Variants in EFHD1 observed in about 807,000 individuals in gnomAD.
EFHD1 encodes EF-hand domain family member D1.
Under a neutral mutation model 17.2 loss-of-function variants are expected in EFHD1, and 10 were observed. The ratio of observed to expected loss-of-function variants is 0.58; its 90% confidence interval spans 0.36 to 0.99. The LOEUF (loss-of-function observed/expected upper bound fraction) is 0.99, where lower values mean the gene tolerates loss of function less well. EFHD1 is among the 50% of genes least tolerant of loss of function. The probability of loss-of-function intolerance (pLI) is 0.01; values close to 1 mark genes in which losing one functional copy is unlikely to be tolerated. For missense variants in EFHD1, 310 were observed against 327.5 expected (o/e 0.95, Z 0.41); for synonymous variants, 153 against 142.0 (o/e 1.08, Z -0.55).
At chr2:232,660,855 G>A (rs1263750756) in intron 1 of EFHD1, among the ~76,000 whole-genome samples, 2 of 152,072 alleles carry the variant, frequency 1.3e-5, no homozygotes, top group African/African-American at 4.8e-5. Flanking sequence ...GCACACACTT[G>A]TAATCCCAGC....
chr2:232,654,228 G>GA (rs779732733), intron 1 of EFHD1, among the ~76,000 whole-genome samples: 5 of 142,928 alleles, frequency 3.5e-5, no homozygotes, highest in Non-Finnish European at 3.2e-5. Flanking sequence ...AAAAAGAAAA[G>GA]AAAGAAGTTG....
intron 1 of EFHD1, among the ~76,000 whole-genome samples, chr2:232,607,156 C>G (rs1057032911): frequency 6.6e-6 from 1 of 151,956 alleles, no homozygotes; most frequent in Admixed American, 6.6e-5. Context: ...CACGTCTGGC[C>G]CATTTTATTT....
chr2:232,631,691 T>TAAAAAAAAAAA (rs34689384), upstream of EFHD1, among the ~76,000 whole-genome samples: 2 of 115,786 alleles, frequency 1.7e-5, no homozygotes, highest in African/African-American at 3.6e-5. Context: ...ATAAGAACAT[T>TAAAAAAAAAAA]AAAAAAAAAA....
chr2:232,639,929 G>A (rs1210729694), intron 1 of EFHD1, among the ~76,000 whole-genome samples: 2 of 152,006 alleles, frequency 1.3e-5, no homozygotes, highest in Admixed American at 1.3e-4. Context: ...GCCACTTTTC[G>A]GGTGAGGCTG....
intron 1 of EFHD1, among the ~76,000 whole-genome samples, chr2:232,617,415 T>C (rs10203216): frequency 0.67 from 101,226 of 151,316 alleles, 34,326 homozygotes; most frequent in East Asian, 0.84. Flanking sequence ...TTTGGGAGGC[T>C]GAGGCAGGTG....
chr2:232,618,964 T>G (rs1361658987), intron 1 of EFHD1, among the ~76,000 whole-genome samples: 1 of 151,718 alleles, frequency 6.6e-6, no homozygotes, highest in Non-Finnish European at 1.5e-5. Context: ...ACCAACATGG[T>G]GAAACACCAT....
At chr2:232,634,563 C>T (rs1694279437) in intron 1 of EFHD1, among the ~76,000 whole-genome samples, 1 of 152,150 alleles carries the variant, frequency 6.6e-6, no homozygotes, top group African/African-American at 2.4e-5. Context: ...GCCCGGGAGC[C>T]TCCTGGGGGC....
At chr2:232,661,725 A>G (rs1349413676) in intron 1 of EFHD1, 1 of 143,670 alleles carries the variant, frequency 7.0e-6, no homozygotes, top group Non-Finnish European at 1.6e-5. Flanking sequence ...ATGCCCAGCT[A>G]ATTTTTGTAT....
chr2:232,617,517 G>T (rs1328005804), intron 1 of EFHD1, among the ~76,000 whole-genome samples: 1 of 151,794 alleles, frequency 6.6e-6, no homozygotes, highest in Admixed American at 6.6e-5. Flanking sequence ...AGCCAGGCGT[G>T]GTGGTGGGCG....
intron 1 of EFHD1, among the ~76,000 whole-genome samples, chr2:232,643,830 G>A (rs1010803903): frequency 3.9e-5 from 6 of 152,116 alleles, no homozygotes; most frequent in South Asian, 2.1e-4. Flanking sequence ...ATTATAGGGC[G>A]TGCTACCACG....
intron 3 of EFHD1, among the ~76,000 whole-genome samples, chr2:232,674,723 T>A (rs1695139436): frequency 6.6e-6 from 1 of 152,130 alleles, no homozygotes; most frequent in African/African-American, 2.4e-5. Context: ...GAGGGCATCG[T>A]CACTGGATTT....
intron 1 of EFHD1, among the ~76,000 whole-genome samples, chr2:232,635,161 C>A (rs911608132): frequency 1.3e-5 from 2 of 152,196 alleles, no homozygotes; most frequent in Non-Finnish European, 2.9e-5. Flanking sequence ...CAGGAAGGCC[C>A]AGTGCGCTAA....
chr2:232,616,403 G>A (rs1230633714), intron 1 of EFHD1, among the ~76,000 whole-genome samples: 2 of 152,012 alleles, frequency 1.3e-5, no homozygotes, highest in Non-Finnish European at 1.5e-5. Flanking sequence ...GGTTCAAGCA[G>A]TTCTCCTGTC....
intron 1 of EFHD1, among the ~76,000 whole-genome samples, chr2:232,608,589 A>G (rs974379764): frequency 6.6e-6 from 1 of 152,150 alleles, no homozygotes; most frequent in Non-Finnish European, 1.5e-5. Context: ...TGTACTTGGG[A>G]AAAAGAGAAG....
chr2:232,632,105 CAG>C (rs1694213438), upstream of EFHD1, among the ~76,000 whole-genome samples: 1 of 151,930 alleles, frequency 6.6e-6, no homozygotes, highest in Non-Finnish European at 1.5e-5. Flanking sequence ...GTGGTCAAAA[CAG>C]ATGTGACAAC....
intron 1 of EFHD1, among the ~76,000 whole-genome samples, chr2:232,642,537 C>T (rs1195083303): frequency 6.6e-6 from 1 of 152,088 alleles, no homozygotes; most frequent in Non-Finnish European, 1.5e-5. Flanking sequence ...GGAGACCTTG[C>T]TTTTCAAGGG....
chr2:232,641,338 C>T (rs554242778), intron 1 of EFHD1, among the ~76,000 whole-genome samples: 94 of 152,108 alleles, frequency 6.2e-4, no homozygotes, highest in Non-Finnish European at 1.1e-3. Context: ...TGGCCACAAT[C>T]GGAGTTACTG....
intron 2 of EFHD1, among the ~76,000 whole-genome samples, chr2:232,669,801 A>G (rs1695036692): frequency 6.6e-6 from 1 of 151,996 alleles, no homozygotes; most frequent in Non-Finnish European, 1.5e-5. Flanking sequence ...GGGTTTCACC[A>G]TGTTGGTCAG....
chr2:232,667,835 G>C (rs753448746), intron 2 of EFHD1, among the ~76,000 whole-genome samples: 1 of 152,150 alleles, frequency 6.6e-6, no homozygotes, highest in Non-Finnish European at 1.5e-5. Context: ...TGGGATTACG[G>C]GTGTGAGCCA....
Sources: gnomAD v4.1 joint callset for allele counts (sites outside exome capture counted in the v4.1 genomes callset) on GRCh38, gnomAD v4.1.1 for gene constraint, MANE v1.5 for transcripts, NCBI Gene and HGNC (gene_info 2026-07-23, HGNC 2026-07-21) for gene names.